Variants in CLCN3 observed in about 807,000 individuals in gnomAD.
The protein encoded by CLCN3 is Cl-/H+ antiporter 3.
CLCN3 carries 16 observed loss-of-function variants against 83.4 expected under a neutral mutation model. The ratio of observed to expected loss-of-function variants is 0.19; its 90% CI spans 0.13 to 0.29. The LOEUF (loss-of-function observed/expected upper bound fraction) is 0.29, where lower values mean the gene tolerates loss of function less well. Ranked by LOEUF, CLCN3 falls within the 10% of genes least tolerant of loss-of-function variation. CLCN3 has a pLI of 1.00. For synonymous variants in CLCN3, 322 were observed against 346.2 expected (o/e 0.93, Z 0.78); for missense variants, 544 against 1,006.0 (o/e 0.54, Z 6.21).
rs548646272 is a variant in CLCN3 at position 169,665,543 on chromosome 4, C to T, written c.161-14507C>T. Among the ~76,000 whole-genome samples, 134 of 151,956 alleles carry T rather than the reference C, an allele frequency of 8.8e-4. 5 individuals are homozygous for T. In the South Asian group the frequency reaches 0.027, roughly 30 times the overall value. On this transcript the variant is annotated intron_variant, in intron 2 of 12. Coordinates refer to ENST00000513761, the MANE Select transcript of CLCN3 (RefSeq NM_001829.4). ...TGGAACTTCCACTATCAACTTAGAA[C>T]GTTTACTTTCCCATCCCTTACCAGG...
At chr4:169,713,330 TAGAA>T in intron 12 of CLCN3, 35 bp downstream of exon 12, 1 of 1,493,816 alleles carries the variant, frequency 6.7e-7, no homozygotes, top group Non-Finnish European at 9.3e-7. Context: ...GTTCACTTGC[TAGAA>T]TATAGGATCC....
At chr4:169,679,908 G>C (rs926050272) in intron 2 of CLCN3, 142 bp from the exon 3 acceptor site, 252 of 672,522 alleles carry the variant, frequency 3.7e-4, no homozygotes, top group Non-Finnish European at 5.7e-4. Context: ...GAGAGGGGGA[G>C]ACCGTGGAAA....
chr4:169,710,777 A>G (rs75851859), intron 11 of CLCN3, among the ~76,000 whole-genome samples: 1 of 152,156 alleles, frequency 6.6e-6, no homozygotes, highest in Non-Finnish European at 1.5e-5. Context: ...AATTGGGGTT[A>G]GTTTTAATTC....
intron 1 of CLCN3, among the ~76,000 whole-genome samples, chr4:169,632,071 C>G (rs747750464): frequency 2.0e-5 from 3 of 152,102 alleles, no homozygotes; most frequent in Non-Finnish European, 4.4e-5. Flanking sequence ...CCAGCTTCAC[C>G]CCGATACCAA....
intron 2 of CLCN3, chr4:169,660,067 T>G (rs1237664793): frequency 7.8e-6 from 8 of 1,020,014 alleles, no homozygotes; most frequent in Non-Finnish European, 9.4e-6. Flanking sequence ...AAACCAGTTT[T>G]GTGTGTTGTA....
intron 3 of CLCN3, among the ~76,000 whole-genome samples, chr4:169,684,357 A>G (rs1732068809): frequency 6.6e-6 from 1 of 152,150 alleles, no homozygotes. Flanking sequence ...AGCATCCTCA[A>G]AGTTGACCAA....
chr4:169,722,188 C>T lies in CLCN3; in HGVS notation c.*2191C>T, dbSNP rs888834662. ...CATTTTGAAAGTGATTCTTCACTTCCTAGTTCTTAATTATAGTATACCTAT... is the reference window on the plus strand; with the variant it reads ...CATTTTGAAAGTGATTCTTCACTTCTTAGTTCTTAATTATAGTATACCTAT... On this transcript the variant is annotated 3_prime_UTR_variant, in exon 13 of 13. Coordinates refer to ENST00000513761, the MANE Select transcript of CLCN3 (RefSeq NM_001829.4). 2.0e-5 allele frequency: 3 copies of T among 152,174 alleles called. No individual in the cohort carries two copies. Among genetic ancestry groups the T allele is most frequent in the Non-Finnish European group, 2.9e-5 (2 of 68,028 alleles). The allele number at this position is 152,174 out of a possible 1,614,324, so 9.4% of individuals were successfully genotyped here. A position where few individuals can be genotyped will look rare whatever the true frequency, so the allele number is the denominator to read the frequency against.
At chr4:169,649,209 C>T (rs1347765643) in intron 2 of CLCN3, among the ~76,000 whole-genome samples, 3 of 151,902 alleles carry the variant, frequency 2.0e-5, no homozygotes, top group Admixed American at 6.6e-5. Context: ...GAACTTGGAG[C>T]GTTAGAGGTA....
At chr4:169,719,759 C>A in intron 12 of CLCN3, 148 bp from the exon 13 acceptor site, 1 of 594,276 alleles carries the variant, frequency 1.7e-6, no homozygotes. Flanking sequence ...ATTTTAATAT[C>A]TTTACCAATA....
chr4:169,687,909 G>T, intron 4 of CLCN3, 152 bp downstream of exon 4: 1 of 519,700 alleles, frequency 1.9e-6, no homozygotes, highest in East Asian at 3.3e-5. Context: ...AAGACTAGGA[G>T]GCAGAGGCTT....
chr4:169,679,615 G>A (rs552096493), intron 2 of CLCN3, among the ~76,000 whole-genome samples: 1 of 152,314 alleles, frequency 6.6e-6, no homozygotes, highest in South Asian at 2.1e-4. Context: ...AGCACTGAGT[G>A]AGCGAGACTC....
Position 169,620,752 on chromosome 4 carries a change from G to T in CLCN3, c.-328G>T. ...ATTCAGTTTTAGTCTTAAGGGGGAA[G>T]TGAGATTGGAGATTTTTATTTTTAA... On this transcript the variant is annotated 5_prime_UTR_variant, in exon 1 of 13. Coordinates refer to ENST00000513761, the MANE Select transcript of CLCN3 (RefSeq NM_001829.4). The T allele has an allele frequency of 2.5e-6, 1 of 398,688 alleles. No individual in the cohort carries two copies. The allele number at this position is 398,688 out of a possible 1,614,324, so 24.7% of individuals were successfully genotyped here.
chr4:169,645,987 T>G (rs1030219640), intron 2 of CLCN3, among the ~76,000 whole-genome samples: 1 of 152,212 alleles, frequency 6.6e-6, no homozygotes, highest in Non-Finnish European at 1.5e-5. Context: ...TGTAAGTAAT[T>G]TATTTTCCTA....
At chr4:169,639,018 C>T (rs1391284309) in intron 2 of CLCN3, among the ~76,000 whole-genome samples, 1 of 152,106 alleles carries the variant, frequency 6.6e-6, no homozygotes, top group Non-Finnish European at 1.5e-5. Context: ...ATAGCGTAGG[C>T]AACCATTGGT....
chr4:169,686,606 G>A (rs1489323470), intron 3 of CLCN3, among the ~76,000 whole-genome samples: 1 of 152,064 alleles, frequency 6.6e-6, no homozygotes, highest in Non-Finnish European at 1.5e-5. Flanking sequence ...TAGTAGAGAA[G>A]GGGTTTCACT....
chr4:169,681,988 CTT>C (rs1050434308), intron 3 of CLCN3, among the ~76,000 whole-genome samples: 5 of 152,122 alleles, frequency 3.3e-5, no homozygotes, highest in African/African-American at 4.8e-5. Context: ...TTTTAATAGT[CTT>C]TTAAGATTAT....
intron 2 of CLCN3, among the ~76,000 whole-genome samples, chr4:169,639,013 G>C (rs528366652): frequency 6.6e-6 from 1 of 152,152 alleles, no homozygotes; most frequent in Non-Finnish European, 1.5e-5. Context: ...TGACTATAGC[G>C]TAGGCAACCA....
chr4:169,679,766 T>G (rs1731857664), intron 2 of CLCN3, among the ~76,000 whole-genome samples: 1 of 152,118 alleles, frequency 6.6e-6, no homozygotes, highest in African/African-American at 2.4e-5. Flanking sequence ...GGCGCGTGCC[T>G]GCAATCCCAG....
At chr4:169,689,339 A>C in intron 5 of CLCN3, 109 bp downstream of exon 5, 5 of 888,930 alleles carry the variant, frequency 5.6e-6, no homozygotes, top group Non-Finnish European at 6.7e-6. Context: ...TACACATCAA[A>C]TGGATCCACC....
Sources: allele counts gnomAD v4.1 joint callset (sites outside exome capture counted in the v4.1 genomes callset), GRCh38; gene constraint gnomAD v4.1.1; transcripts MANE v1.5; gene names NCBI Gene and HGNC (gene_info 2026-07-23, HGNC 2026-07-21).